CYTIP: variants seen among roughly 807,000 people sequenced by gnomAD.
CYTIP encodes the protein cytohesin 1 interacting protein.
In CYTIP, 26 loss-of-function variants were observed where a neutral mutation model predicts 43.8. That is an observed-to-expected ratio of 0.59 (90% CI 0.44 to 0.82). The LOEUF (loss-of-function observed/expected upper bound fraction) is 0.82. Ranked by LOEUF, CYTIP falls within the 40% of genes least tolerant of loss-of-function variation. The probability of loss-of-function intolerance (pLI) is 0.00; values close to 1 mark genes in which losing one functional copy is unlikely to be tolerated. For synonymous variants in CYTIP, 162 were observed against 162.9 expected, an observed-to-expected ratio of 0.99 and a Z score of 0.04; for missense variants, 426 against 443.1, an observed-to-expected ratio of 0.96 and a Z score of 0.35.
At chr2:157,426,753 G>T (rs1427956418) in intron 6 of CYTIP, among the ~76,000 whole-genome samples, 3 of 152,116 alleles carry the variant, frequency 2.0e-5, no homozygotes, top group South Asian at 2.1e-4. Context: ...ACCCTCATCA[G>T]CCCAGAAAAC....
Position 157,430,919 on chromosome 2 carries a change from A to G in CYTIP, c.323T>C (p.Phe108Ser), listed in dbSNP as rs781403839. The G allele has an allele frequency of 8.1e-6, 13 of 1,613,856 alleles. No homozygotes were observed. In the South Asian group the frequency reaches 1.3e-4, roughly 16 times the overall value. The change falls in exon 4 of 8, where the codon TTC becomes TCC. Residue 108 changes from phenylalanine (F) to serine (S), a missense_variant. Coordinates refer to ENST00000264192, the MANE Select transcript of CYTIP (RefSeq NM_004288.5). ...QNQNACSSEM[F>S]TLICKIQEDS... ...CTCCTGTATTTTGCATATCAAAGTGAACATTTCCGAGGAGCAGGCATTCTG... is the reference window on the plus strand; with the variant it reads ...CTCCTGTATTTTGCATATCAAAGTGGACATTTCCGAGGAGCAGGCATTCTG...
Position 157,427,428 on chromosome 2 carries a change from A to T in CYTIP, c.477-8T>A. 6.3e-7 allele frequency: 1 copy of T among 1,586,006 alleles called. No homozygotes were observed. The highest frequency in any genetic ancestry group is 8.5e-7 in the Non-Finnish European group (1 of 1,169,800). ...CCATTAAGAGTCTCTATCCTGTTTT[A>T]AGGAAAAAAAAAAGAAGAGGAAGGT... On this transcript the variant is annotated splice_polypyrimidine_tract_variant and splice_region_variant and intron_variant, in intron 5 of 7. Coordinates refer to ENST00000264192, the MANE Select transcript of CYTIP (RefSeq NM_004288.5).
Position 157,430,963 on chromosome 2 carries a change from CTG to C in CYTIP, c.280-3_280-2del. ...CATTCTGATTCTGGGGCCTGTAAGA[CTG>C]TAAAAATTAAGATGATATATAGTTA... On this transcript the variant is annotated splice_acceptor_variant and splice_polypyrimidine_tract_variant and intron_variant, in intron 3 of 7. Transcript: ENST00000264192. LOFTEE classifies it high-confidence loss of function. 6.2e-7 allele frequency: 1 copy of C among 1,601,038 alleles called. No individual in the cohort carries two copies. Among genetic ancestry groups the C allele is most frequent in the Admixed American group, 1.8e-5 (1 of 56,122 alleles).
chr2:157,441,726 T>C (rs941830786), intron 1 of CYTIP, among the ~76,000 whole-genome samples: 1 of 152,176 alleles, frequency 6.6e-6, no homozygotes, highest in African/African-American at 2.4e-5. Context: ...GTTCACGCTA[T>C]CTTCACTCTG....
chr2:157,441,380 G>A (rs1011553262), intron 1 of CYTIP, among the ~76,000 whole-genome samples: 23 of 152,064 alleles, frequency 1.5e-4, no homozygotes, highest in Non-Finnish European at 2.8e-4. Context: ...ATAATTGTAC[G>A]GAATCAGAAC....
intron 6 of CYTIP, among the ~76,000 whole-genome samples, chr2:157,421,240 A>G (rs1685518370): frequency 6.6e-6 from 1 of 152,256 alleles, no homozygotes; most frequent in Non-Finnish European, 1.5e-5. Flanking sequence ...ACTGGGCAGC[A>G]TCACCTCACT....
At chr2:157,421,382 C>T (rs1284956022) in intron 6 of CYTIP, among the ~76,000 whole-genome samples, 1 of 152,232 alleles carries the variant, frequency 6.6e-6, no homozygotes, top group Non-Finnish European at 1.5e-5. Context: ...CCAATGCTTT[C>T]AATCTACAGG....
At chr2:157,437,520 G>T (rs764331859) in intron 1 of CYTIP, among the ~76,000 whole-genome samples, 2 of 151,830 alleles carry the variant, frequency 1.3e-5, no homozygotes, top group African/African-American at 2.4e-5. Context: ...GGCCAACATG[G>T]TAAAACCCCG....
chr2:157,427,452 G>A, intron 5 of CYTIP, 32 bp from the exon 6 acceptor site: 6 of 1,514,518 alleles, frequency 4.0e-6, no homozygotes, highest in South Asian at 1.2e-5. Context: ...GAAGAGGAAG[G>A]TGGGGAGTGA....
intron 6 of CYTIP, among the ~76,000 whole-genome samples, chr2:157,420,267 A>G (rs1171698928): frequency 6.6e-6 from 1 of 152,152 alleles, no homozygotes; most frequent in Admixed American, 6.5e-5. Flanking sequence ...TGTAATCCCA[A>G]TACTTTGGGA....
At chr2:157,430,748 T>C in intron 4 of CYTIP, 96 bp from the exon 5 acceptor site, 1 of 1,458,948 alleles carries the variant, frequency 6.9e-7, no homozygotes, top group Non-Finnish European at 9.6e-7. Flanking sequence ...CTTAAAAACA[T>C]AAAGGAGCCA....
intron 6 of CYTIP, among the ~76,000 whole-genome samples, chr2:157,421,178 A>C (rs578124578): frequency 7.8e-4 from 119 of 152,382 alleles, no homozygotes; most frequent in African/African-American, 2.7e-3. Context: ...TTATTTAGAC[A>C]TATCTGAGCT....
In CYTIP at chr2:157,417,696, T is replaced by A. The variant is rs529970129; in HGVS notation, c.613+827A>T. ...TACATAAGTTTCAAACACTTCAATT[T>A]AAAAAAAAAAAAACAGAAGTTCATA... On this transcript the variant is annotated intron_variant, in intron 7 of 7. Transcript: ENST00000264192. Among the ~76,000 whole-genome samples the A allele has an allele frequency of 3.6e-3, 514 of 142,458 alleles. 2 individuals are homozygous for A. Among genetic ancestry groups the A allele is most frequent in the African/African-American group, 0.012 (465 of 39,392 alleles). 93.5% of individuals were successfully genotyped at this position (142,458 alleles called of 152,430 possible).
At chr2:157,423,452 G>A (rs894289275) in intron 6 of CYTIP, among the ~76,000 whole-genome samples, 3 of 133,872 alleles carry the variant, frequency 2.2e-5, no homozygotes, top group South Asian at 2.7e-4. Context: ...AACATAAGTC[G>A]CTAAAACTGT....
intron 3 of CYTIP, among the ~76,000 whole-genome samples, chr2:157,432,332 A>G (rs559269718): frequency 5.1e-4 from 77 of 152,346 alleles, no homozygotes; most frequent in African/African-American, 1.9e-3. Flanking sequence ...CCAAAGCTAC[A>G]GAAAGTATTA....
intron 1 of CYTIP, among the ~76,000 whole-genome samples, chr2:157,440,499 A>G (rs961906283): frequency 6.6e-6 from 1 of 152,182 alleles, no homozygotes; most frequent in Non-Finnish European, 1.5e-5. Flanking sequence ...AATTGTCATG[A>G]GGTGATTAAA....
intron 6 of CYTIP, among the ~76,000 whole-genome samples, chr2:157,422,008 A>C (rs559242254): frequency 2.2e-4 from 33 of 152,350 alleles, no homozygotes; most frequent in Non-Finnish European, 4.1e-4. Context: ...TTAAGAAAAA[A>C]ACATTGGCTG....
intron 7 of CYTIP, among the ~76,000 whole-genome samples, chr2:157,417,905 A>T (rs1356774651): frequency 6.6e-6 from 1 of 152,244 alleles, no homozygotes; most frequent in Non-Finnish European, 1.5e-5. Context: ...ATTTGTACAC[A>T]AAAGTTCATT....
chr2:157,423,859 A>C (rs916967564), intron 6 of CYTIP, among the ~76,000 whole-genome samples: 2 of 152,158 alleles, frequency 1.3e-5, no homozygotes, highest in Non-Finnish European at 2.9e-5. Flanking sequence ...AATTTCATTC[A>C]CATATTGACA....
Sources: allele counts gnomAD v4.1 joint callset (sites outside exome capture counted in the v4.1 genomes callset), GRCh38; gene constraint gnomAD v4.1.1; transcripts MANE v1.5; gene names NCBI Gene and HGNC (gene_info 2026-07-23, HGNC 2026-07-21).